Variants in AKAP6 observed in about 807,000 individuals in gnomAD.
AKAP6 encodes A-kinase anchor protein 6.
In AKAP6, 58 loss-of-function variants were observed where a neutral mutation model predicts 188.5. The observed-to-expected ratio is 0.31, with a 90% CI of 0.25 to 0.38. The LOEUF (loss-of-function observed/expected upper bound fraction) is 0.38, where lower values mean the gene tolerates loss of function less well. Among genes scored for constraint, AKAP6 ranks in the 10% least tolerant of loss-of-function variants. AKAP6 has a pLI of 1.00. For missense variants in AKAP6, 2,710 were observed against 2,740.0 expected, an observed-to-expected ratio of 0.99 and a Z score of 0.24; for synonymous variants, 989 against 998.6, an observed-to-expected ratio of 0.99 and a Z score of 0.18.
intron 12 of AKAP6, among the ~76,000 whole-genome samples, chr14:32,801,065 T>C (rs2033934566): frequency 6.6e-6 from 1 of 152,132 alleles, no homozygotes; most frequent in Admixed American, 6.5e-5. Context: ...CAGCATATAG[T>C]TGGGTCTTGT....
At chr14:32,493,745 C>A (rs1376861237) in intron 2 of AKAP6, among the ~76,000 whole-genome samples, 2 of 152,106 alleles carry the variant, frequency 1.3e-5, no homozygotes, top group Admixed American at 6.6e-5. Context: ...CTATAATATT[C>A]CAGAATTCAT....
intron 7 of AKAP6, among the ~76,000 whole-genome samples, chr14:32,602,541 G>A (rs1051615834): frequency 1.3e-5 from 2 of 152,092 alleles, no homozygotes; most frequent in African/African-American, 2.4e-5. Flanking sequence ...ATGGTGACAT[G>A]CGCCTATAAT....
chr14:32,722,649 C>T (rs767146774), intron 9 of AKAP6, among the ~76,000 whole-genome samples: 7 of 152,092 alleles, frequency 4.6e-5, no homozygotes, highest in African/African-American at 7.2e-5. Context: ...AAGAGGAGTT[C>T]GGCTGGCTGG....
At chr14:32,430,791 G>C (rs948910831) in intron 1 of AKAP6, among the ~76,000 whole-genome samples, 1 of 152,096 alleles carries the variant, frequency 6.6e-6, no homozygotes. Context: ...GCAGTGGGTC[G>C]ATTAATAATT....
At chr14:32,556,229 A>G (rs1375039609) in intron 4 of AKAP6, among the ~76,000 whole-genome samples, 1 of 152,122 alleles carries the variant, frequency 6.6e-6, no homozygotes, top group African/African-American at 2.4e-5. Flanking sequence ...ATCTTTCCAT[A>G]TACTTGTTGG....
chr14:32,773,911 T>A lies in AKAP6; in HGVS notation c.3588+18T>A, dbSNP rs748240056. ...AGGAATCTGTGAGTGATGCTTTTTTTAAGCATAATTGTCTGTCATTTTCTC... is the reference window on the plus strand; with the variant it reads ...AGGAATCTGTGAGTGATGCTTTTTTAAAGCATAATTGTCTGTCATTTTCTC... On this transcript the variant is annotated intron_variant, in intron 12 of 13. Coordinates refer to ENST00000280979, the MANE Select transcript of AKAP6 (RefSeq NM_004274.5). The A allele has an allele frequency of 1.2e-5, 20 of 1,603,598 alleles. No individual in the cohort carries two copies. Among genetic ancestry groups the A allele is most frequent in the African/African-American group, 2.7e-5 (2 of 74,736 alleles).
At chr14:32,720,822 A>T (rs2057122) in intron 9 of AKAP6, among the ~76,000 whole-genome samples, 1 of 151,922 alleles carries the variant, frequency 6.6e-6, no homozygotes, top group Non-Finnish European at 1.5e-5. Flanking sequence ...AGCCAACTGC[A>T]CTCCAGCCTG....
intron 7 of AKAP6, among the ~76,000 whole-genome samples, chr14:32,637,924 G>A (rs1887579755): frequency 6.6e-6 from 1 of 152,092 alleles, no homozygotes; most frequent in African/African-American, 2.4e-5. Flanking sequence ...GAATGGGAGT[G>A]GGTGGAGGAG....
intron 1 of AKAP6, among the ~76,000 whole-genome samples, chr14:32,406,085 TG>T (rs536468230): frequency 3.2e-4 from 49 of 152,342 alleles, no homozygotes; most frequent in African/African-American, 1.1e-3. Context: ...CAAACTTGAA[TG>T]GTTCTAGACC....
intron 12 of AKAP6, among the ~76,000 whole-genome samples, chr14:32,804,776 A>G (rs1319880074): frequency 6.6e-6 from 1 of 152,112 alleles, no homozygotes; most frequent in Non-Finnish European, 1.5e-5. Context: ...ACACTCCCAG[A>G]GCAGCCATTT....
rs538510051 is a variant in AKAP6 at position 32,531,523 on chromosome 14, T to G, written c.325-4031T>G. 3.9e-5 allele frequency among the ~76,000 whole-genome samples: 6 copies of G among 152,260 alleles called. 1 individual carries two copies. The highest frequency in any genetic ancestry group is 1.4e-4 in the African/African-American group (6 of 41,554). ...GTTTAAAAATTATCATACAGCAGAGTTGACTTTCTTTTTGGTGTACAGCTT... is the reference window on the plus strand; with the variant it reads ...GTTTAAAAATTATCATACAGCAGAGGTGACTTTCTTTTTGGTGTACAGCTT... On this transcript the variant is annotated intron_variant, in intron 2 of 13. Transcript: ENST00000280979.
At chr14:32,365,929 C>T (rs1887817797) in intron 1 of AKAP6, among the ~76,000 whole-genome samples, 1 of 152,158 alleles carries the variant, frequency 6.6e-6, no homozygotes, top group African/African-American at 2.4e-5. Flanking sequence ...GTTAGTCCAC[C>T]TCTCTCCTGC....
At chr14:32,733,447 A>G (rs535633279) in intron 10 of AKAP6, 19 of 152,300 alleles carry the variant, frequency 1.2e-4, no homozygotes, top group African/African-American at 4.1e-4. Context: ...GGACGATGTC[A>G]GTTATGGAGC....
At chr14:32,585,032 GT>G (rs35716814) in intron 5 of AKAP6, among the ~76,000 whole-genome samples, 8 of 148,764 alleles carry the variant, frequency 5.4e-5, no homozygotes, top group South Asian at 2.1e-4. Flanking sequence ...TGGGTAACTA[GT>G]TTTTTTTTTT....
intron 12 of AKAP6, among the ~76,000 whole-genome samples, chr14:32,801,570 G>T (rs973358209): frequency 2.6e-5 from 4 of 152,080 alleles, no homozygotes; most frequent in African/African-American, 9.7e-5. Flanking sequence ...TGAAAGATTT[G>T]ATTTTACCTT....
intron 12 of AKAP6, among the ~76,000 whole-genome samples, chr14:32,789,857 G>A (rs2033555186): frequency 6.6e-6 from 1 of 152,188 alleles, no homozygotes; most frequent in Admixed American, 6.5e-5. Flanking sequence ...GCACAGAACT[G>A]GGTTGGGGCT....
chr14:32,745,479 C>G (rs1281605183), intron 11 of AKAP6, among the ~76,000 whole-genome samples: 9 of 140,706 alleles, frequency 6.4e-5, no homozygotes, highest in Admixed American at 7.0e-5. Context: ...CTCTCTCTCT[C>G]TCTCTCTCTC....
At chr14:32,658,522 G>A (rs1055573467) in intron 7 of AKAP6, among the ~76,000 whole-genome samples, 6 of 151,896 alleles carry the variant, frequency 4.0e-5, no homozygotes, top group Non-Finnish European at 7.4e-5. Context: ...TTAATGCTTT[G>A]CTAATTAAAG....
chr14:32,460,744 G>A (rs992012121), intron 2 of AKAP6, among the ~76,000 whole-genome samples: 4 of 152,226 alleles, frequency 2.6e-5, no homozygotes, highest in Non-Finnish European at 5.9e-5. Context: ...TGGAAAGGGG[G>A]TTGAAGCCAA....
Sources: gnomAD v4.1 joint callset for allele counts (sites outside exome capture counted in the v4.1 genomes callset) on GRCh38, gnomAD v4.1.1 for gene constraint, MANE v1.5 for transcripts, NCBI Gene and HGNC (gene_info 2026-07-23, HGNC 2026-07-21) for gene names.